The following TXK variants were observed in gnomAD, a reference collection of about 807,000 sequenced individuals.
TXK encodes the protein TXK tyrosine kinase, also known as tyrosine-protein kinase TXK.
Under a neutral mutation model 81.0 loss-of-function variants are expected in TXK, and 60 were observed. The ratio of observed to expected loss-of-function variants is 0.74; its 90% CI spans 0.60 to 0.92. The LOEUF (loss-of-function observed/expected upper bound fraction) is 0.92, where lower values mean the gene tolerates loss of function less well. Among genes scored for constraint, TXK ranks in the 40% least tolerant of loss-of-function variants. The probability of loss-of-function intolerance (pLI) is 0.00; values close to 1 mark genes in which losing one functional copy is unlikely to be tolerated. For synonymous variants in TXK, 203 were observed against 210.7 expected (o/e 0.96, Z 0.32); for missense variants, 581 against 638.3 (o/e 0.91, Z 0.97).
chr4:48,088,321 C>A (rs1717619555), intron 9 of TXK, among the ~76,000 whole-genome samples: 1 of 152,192 alleles, frequency 6.6e-6, no homozygotes, highest in South Asian at 2.1e-4. Flanking sequence ...ACATATCCAA[C>A]ATATGCTGGA....
intron 1 of TXK, 74 bp downstream of exon 1, chr4:48,134,081 C>A: frequency 1.3e-6 from 2 of 1,543,410 alleles, no homozygotes; most frequent in Non-Finnish European, 1.8e-6. Context: ...AAAAAAAAAA[C>A]TTCCTCTGCT....
intron 1 of TXK, among the ~76,000 whole-genome samples, chr4:48,128,925 A>G (rs1047750661): frequency 1.3e-5 from 2 of 151,974 alleles, no homozygotes; most frequent in Admixed American, 1.3e-4. Flanking sequence ...TTTTAGCCAC[A>G]TTAACCCATA....
intron 1 of TXK, among the ~76,000 whole-genome samples, chr4:48,114,734 G>C (rs2109475269): frequency 6.6e-6 from 1 of 152,308 alleles, no homozygotes; most frequent in African/African-American, 2.4e-5. Flanking sequence ...GATTCCAGAA[G>C]TGATGCTCTC....
Position 48,074,042 on chromosome 4 carries a change from T to C in TXK, c.1250A>G (p.Asp417Gly), listed in dbSNP as rs760377985. The C allele has an allele frequency of 9.9e-6, 16 of 1,612,926 alleles. No individual in the cohort carries two copies. The highest frequency in any genetic ancestry group is 1.3e-5 in the Non-Finnish European group (15 of 1,179,160). The change falls in exon 13 of 15, where the codon GAT (aspartate) becomes GGT (glycine). Residue 417 changes from aspartate to glycine, a missense_variant. By Grantham distance (94) the Asp-to-Gly change is moderately conservative. Coordinates refer to ENST00000264316, the MANE Select transcript of TXK (RefSeq NM_003328.3). ...TCCAAAAGAACTGACATACTCATCA[T>C]CCAAAACGTACCTAAGTTTATCAGA... ...SDFGMTRYVL[D>G]DEYVSSFGAK...
chr4:48,127,180 T>TA (rs1294449996), intron 1 of TXK, among the ~76,000 whole-genome samples: 6 of 152,296 alleles, frequency 3.9e-5, no homozygotes, highest in African/African-American at 1.2e-4. Context: ...GCCCAATAAA[T>TA]AATCATTGCG....
At chr4:48,120,564 C>A (rs1718930838) in intron 1 of TXK, among the ~76,000 whole-genome samples, 1 of 151,556 alleles carries the variant, frequency 6.6e-6, no homozygotes, top group African/African-American at 2.4e-5. Flanking sequence ...CATCTTGGCT[C>A]ACTGCAATCT....
rs78821335 is a variant in TXK, at chr4:48,129,261, T to A, written c.16+4894A>T. Among the ~76,000 whole-genome samples the A allele has an allele frequency of 2.6e-4, 39 of 152,348 alleles. 1 individual carries two copies. In the East Asian group the frequency reaches 7.1e-3, roughly 28 times the overall value. ...CTAAAATGTCCATTATTCTAAGAAGTGATGGTCTCCAGAGATGTTAGTTTT... is the reference window on the plus strand; with the variant it reads ...CTAAAATGTCCATTATTCTAAGAAGAGATGGTCTCCAGAGATGTTAGTTTT... On this transcript the variant is annotated intron_variant, in intron 1 of 14. Coordinates refer to ENST00000264316, the MANE Select transcript of TXK (RefSeq NM_003328.3).
chr4:48,077,496 C>T (rs1468956470), intron 11 of TXK, among the ~76,000 whole-genome samples: 1 of 135,214 alleles, frequency 7.4e-6, no homozygotes, highest in Non-Finnish European at 1.6e-5. Context: ...TAAAATAGAA[C>T]ACAAAAGAAA....
chr4:48,100,443 A>G (rs1385297072), intron 6 of TXK, among the ~76,000 whole-genome samples: 1 of 152,244 alleles, frequency 6.6e-6, no homozygotes, highest in Non-Finnish European at 1.5e-5. Flanking sequence ...AAAATTTAGC[A>G]TATAAAAAAT....
At chr4:48,113,440 C>T in intron 2 of TXK, 131 bp from the exon 3 acceptor site, 1 of 625,478 alleles carries the variant, frequency 1.6e-6, no homozygotes. Context: ...TAGAAGGCTT[C>T]CTAACTCCAT....
chr4:48,117,784 C>T (rs1718851800), intron 1 of TXK, among the ~76,000 whole-genome samples: 1 of 152,248 alleles, frequency 6.6e-6, no homozygotes, highest in African/African-American at 2.4e-5. Context: ...CCTACAGGAC[C>T]CTACCTGAAC....
At position 48,067,663 on chromosome 4, in the gene TXK, C is replaced by A; in HGVS notation, c.1558G>T (p.Val520Phe). The change falls in exon 15 of 15, where the codon GTC becomes TTC. Residue 520 changes from valine (V) to phenylalanine (F), a missense_variant. Transcript: ENST00000264316. ...CACCAGGTTTCCGCAATCTCTGTGA[C>A]AGCCCGCAGCAGCTCGGCAAATGTA... ...RPTFAELLRA[V>F]TEIAETW 1 of 1,614,094 alleles carries A rather than the reference C, an allele frequency of 6.2e-7. No individual in the cohort carries two copies. The highest frequency in any genetic ancestry group is 8.5e-7 in the Non-Finnish European group (1 of 1,180,022).
chr4:48,076,369 A>C (rs769815548), intron 12 of TXK, 33 bp downstream of exon 12: 3 of 1,470,114 alleles, frequency 2.0e-6, no homozygotes, highest in Non-Finnish European at 2.8e-6. Flanking sequence ...TAAACAAACA[A>C]ACAAAATACA....
chr4:48,097,897 G>A (rs1718044628), intron 6 of TXK, among the ~76,000 whole-genome samples: 1 of 150,876 alleles, frequency 6.6e-6, no homozygotes, highest in African/African-American at 2.4e-5. Context: ...ACAGGCGCCC[G>A]TCACCACGCC....
intron 9 of TXK, among the ~76,000 whole-genome samples, chr4:48,087,555 C>G (rs1469429896): frequency 6.6e-6 from 1 of 152,052 alleles, no homozygotes; most frequent in Non-Finnish European, 1.5e-5. Flanking sequence ...CCTGCCTCAG[C>G]CTCCCAAGTA....
In TXK at chr4:48,069,326, C is replaced by CTTTTTTTT. The variant is rs376924565; in HGVS notation, c.1516-1629_1516-1622dup. Among the ~76,000 whole-genome samples, 8 of 95,828 alleles carry CTTTTTTTT rather than the reference C, an allele frequency of 8.3e-5. 1 individual carries two copies. The highest frequency in any genetic ancestry group is 3.3e-4 in the African/African-American group (8 of 24,028). 62.9% of individuals were successfully genotyped at this position (95,828 alleles called of 152,430 possible). ...CAAAAATAAATCAATCTTTTCTTTT[C>CTTTTTTTT]TTTTTTTTTTTTTTTTTTTGAGACA... On this transcript the variant is annotated intron_variant, in intron 14 of 14. Coordinates refer to ENST00000264316, the MANE Select transcript of TXK (RefSeq NM_003328.3).
At chr4:48,101,653 T>C (rs1026112657) in intron 6 of TXK, among the ~76,000 whole-genome samples, 3 of 151,910 alleles carry the variant, frequency 2.0e-5, no homozygotes, top group African/African-American at 2.4e-5. Context: ...AAAATATGTA[T>C]ATTTTAAATA....
intron 1 of TXK, among the ~76,000 whole-genome samples, chr4:48,130,478 C>A (rs932720510): frequency 3.3e-5 from 5 of 152,152 alleles, no homozygotes; most frequent in African/African-American, 1.2e-4. Context: ...GTGCTCCCAA[C>A]AAAGCAGCCG....
chr4:48,089,191 G>T (rs559460596), intron 9 of TXK, among the ~76,000 whole-genome samples: 6 of 152,164 alleles, frequency 3.9e-5, no homozygotes, highest in Non-Finnish European at 8.8e-5. Context: ...AAAGGGTGAA[G>T]ATTAAGGCTC....
Sources: gnomAD v4.1 joint callset for allele counts (sites outside exome capture counted in the v4.1 genomes callset) on GRCh38, gnomAD v4.1.1 for gene constraint, MANE v1.5 for transcripts, NCBI Gene and HGNC (gene_info 2026-07-23, HGNC 2026-07-21) for gene names.